The following SNX29 variants were observed in gnomAD, a reference collection of about 807,000 sequenced individuals.
SNX29 encodes the protein sorting nexin-29.
A neutral mutation model predicts 102.1 loss-of-function variants in SNX29; 78 were observed. That is an observed-to-expected ratio of 0.76 (90% CI 0.64 to 0.92). The LOEUF (loss-of-function observed/expected upper bound fraction) is 0.92. Among genes scored for constraint, SNX29 ranks in the 40% least tolerant of loss-of-function variants. SNX29 has a pLI of 0.00. For missense variants in SNX29, 1,280 were observed against 1,061.7 expected (o/e 1.21, Z -2.86); for synonymous variants, 580 against 414.5 (o/e 1.40, Z -4.85).
intron 18 of SNX29, among the ~76,000 whole-genome samples, chr16:12,413,618 G>A (rs1385816684): frequency 2.0e-5 from 3 of 152,152 alleles, no homozygotes; most frequent in African/African-American, 7.2e-5. Flanking sequence ...ACGAAGTGAC[G>A]TGAGTGTTCA....
chr16:12,365,703 AG>A (rs1353451150), intron 16 of SNX29, among the ~76,000 whole-genome samples: 1 of 149,264 alleles, frequency 6.7e-6, no homozygotes, highest in African/African-American at 2.5e-5. Context: ...AAAAAAAAAA[AG>A]GCTCTTTGGA....
At chr16:12,075,165 G>A (rs1053199507) in intron 10 of SNX29, among the ~76,000 whole-genome samples, 3 of 152,176 alleles carry the variant, frequency 2.0e-5, no homozygotes, top group South Asian at 2.1e-4. Context: ...CTCTCAACTC[G>A]TCAAAGTCAT....
intron 14 of SNX29, among the ~76,000 whole-genome samples, chr16:12,199,966 A>G (rs544714316): frequency 1.7e-3 from 260 of 152,284 alleles, no homozygotes; most frequent in African/African-American, 6.1e-3. Context: ...AGACAGTTGC[A>G]TGGCAGTGAA....
intron 15 of SNX29, among the ~76,000 whole-genome samples, chr16:12,316,368 C>A (rs2080738455): frequency 6.6e-6 from 1 of 152,148 alleles, no homozygotes; most frequent in Non-Finnish European, 1.5e-5. Flanking sequence ...CATGGGGAAA[C>A]CCCGTCTCTA....
At chr16:12,195,985 CTTTTTTT>C (rs762409358) in intron 13 of SNX29, among the ~76,000 whole-genome samples, 1 of 117,980 alleles carries the variant, frequency 8.5e-6, no homozygotes, top group Non-Finnish European at 1.8e-5. Context: ...GTTTCTTTTC[CTTTTTTT>C]TTTTTTTTTT....
chr16:12,038,704 T>C (rs567907418), intron 4 of SNX29: 1 of 152,308 alleles, frequency 6.6e-6, no homozygotes, highest in African/African-American at 2.4e-5. Context: ...ATTTGCAGAA[T>C]TGAAAGGTGA....
chr16:12,435,166 C>G (rs2085481412), intron 18 of SNX29, among the ~76,000 whole-genome samples: 1 of 152,202 alleles, frequency 6.6e-6, no homozygotes, highest in South Asian at 2.1e-4. Flanking sequence ...TGCCCTCTGC[C>G]TCTCCGTCTT....
At chr16:12,247,919 T>C (rs1396816168) in intron 14 of SNX29, among the ~76,000 whole-genome samples, 1 of 152,160 alleles carries the variant, frequency 6.6e-6, no homozygotes, top group African/African-American at 2.4e-5. Context: ...GCGTGGTGTG[T>C]TGTTTACCAC....
At chr16:12,564,340 T>C (rs939357686) in intron 20 of SNX29, among the ~76,000 whole-genome samples, 6 of 152,222 alleles carry the variant, frequency 3.9e-5, no homozygotes, top group Admixed American at 6.5e-5. Context: ...ATTTCAGTCA[T>C]TTCAGGATGT....
At chr16:12,026,983 C>T (rs1210789055) in intron 3 of SNX29, among the ~76,000 whole-genome samples, 1 of 152,202 alleles carries the variant, frequency 6.6e-6, no homozygotes, top group Non-Finnish European at 1.5e-5. Context: ...CCGCTCCCCA[C>T]ACTGAACTGA....
intron 15 of SNX29, among the ~76,000 whole-genome samples, chr16:12,306,621 T>A (rs1466666619): frequency 6.6e-6 from 1 of 152,194 alleles, no homozygotes; most frequent in Non-Finnish European, 1.5e-5. Context: ...CAGCGGAAAT[T>A]GAAGGCAACT....
intron 13 of SNX29, among the ~76,000 whole-genome samples, chr16:12,159,423 C>G (rs1413503169): frequency 6.6e-6 from 1 of 152,260 alleles, no homozygotes; most frequent in Non-Finnish European, 1.5e-5. Flanking sequence ...TGTTTCTAGG[C>G]TTCAACTTCG....
At chr16:12,364,161 T>TTGTTATGTTATGTTACGTTA (rs2082385190) in intron 16 of SNX29, among the ~76,000 whole-genome samples, 1 of 138,384 alleles carries the variant, frequency 7.2e-6, no homozygotes, top group Admixed American at 7.4e-5. Flanking sequence ...CCTGGCTTGT[T>TTGTTATGTTATGTTACGTTA]TGTTATGTTA....
At chr16:12,397,523 A>AGT (rs2083764027) in intron 16 of SNX29, among the ~76,000 whole-genome samples, 1 of 152,162 alleles carries the variant, frequency 6.6e-6, no homozygotes, top group Admixed American at 6.5e-5. Flanking sequence ...GTGTAAATTC[A>AGT]GTGTTCTCTT....
chr16:12,562,926 A>G (rs566292620), intron 20 of SNX29, among the ~76,000 whole-genome samples: 8 of 152,290 alleles, frequency 5.3e-5, no homozygotes, highest in Non-Finnish European at 7.3e-5. Flanking sequence ...CCATGTTGCC[A>G]AAAACCTGCA....
At chr16:12,500,940 G>T (rs1480168564) in intron 19 of SNX29, among the ~76,000 whole-genome samples, 1 of 152,154 alleles carries the variant, frequency 6.6e-6, no homozygotes, top group East Asian at 1.9e-4. Flanking sequence ...TTGTCAGATT[G>T]TCAGGCTCTG....
chr16:12,287,385 A>AT (rs896870174), intron 15 of SNX29, among the ~76,000 whole-genome samples: 67 of 150,864 alleles, frequency 4.4e-4, no homozygotes, highest in African/African-American at 5.6e-4. Flanking sequence ...TTTTTTTTAA[A>AT]TTTTTTTTTT....
At chr16:12,548,222 G>A (rs1442200574) in intron 20 of SNX29, among the ~76,000 whole-genome samples, 1 of 152,180 alleles carries the variant, frequency 6.6e-6, no homozygotes, top group Non-Finnish European at 1.5e-5. Flanking sequence ...GCTGGATCCT[G>A]CCACAGTGTT....
intron 3 of SNX29, among the ~76,000 whole-genome samples, chr16:12,020,767 G>A (rs2056995700): frequency 6.6e-6 from 1 of 151,978 alleles, no homozygotes; most frequent in Non-Finnish European, 1.5e-5. Flanking sequence ...GGGATTACAG[G>A]CACTCGCCAC....
Sources: allele counts gnomAD v4.1 joint callset (sites outside exome capture counted in the v4.1 genomes callset), GRCh38; gene constraint gnomAD v4.1.1; transcripts MANE v1.5; gene names NCBI Gene and HGNC (gene_info 2026-07-23, HGNC 2026-07-21).